The following ATRNL1 variants were observed in gnomAD, a reference collection of about 807,000 sequenced individuals.
ATRNL1 encodes attractin like 1.
In ATRNL1, 95 loss-of-function variants were observed where a neutral mutation model predicts 182.7. The ratio of observed to expected loss-of-function variants is 0.52; its 90% CI spans 0.44 to 0.62. The LOEUF (loss-of-function observed/expected upper bound fraction) is 0.62. Among genes scored for constraint, ATRNL1 ranks in the 20% least tolerant of loss-of-function variants. The probability of loss-of-function intolerance (pLI) is 0.00; values close to 1 mark genes in which losing one functional copy is unlikely to be tolerated. For synonymous variants in ATRNL1, 576 were observed against 568.3 expected (o/e 1.01, Z -0.19); for missense variants, 1,471 against 1,679.5 (o/e 0.88, Z 2.17).
chr10:115,252,184 G>A (rs1202572197), intron 10 of ATRNL1, among the ~76,000 whole-genome samples: 1 of 151,980 alleles, frequency 6.6e-6, no homozygotes, highest in Non-Finnish European at 1.5e-5. Context: ...CCGCCACCAC[G>A]CCCGGCTAAT....
In ATRNL1 at chr10:115,948,990, C is replaced by T. The variant is rs1953935227; in HGVS notation, c.*4211C>T. On this transcript the variant is annotated 3_prime_UTR_variant, in exon 29 of 29. Transcript: ENST00000355044. The stretch of plus-strand genomic sequence containing the variant: ...TAAAAACATTGGCTCTTCCAACCCC[C>T]ACTGCCAAATGCAGTTTTGTTTTGT... 1 of 152,158 alleles carries T rather than the reference C, an allele frequency of 6.6e-6. No homozygotes were observed. The highest frequency in any genetic ancestry group is 2.1e-4 in the South Asian group (1 of 4,824). 9.4% of individuals were successfully genotyped at this position (152,158 alleles called of 1,614,324 possible).
chr10:115,867,706 G>T (rs1201061199), intron 28 of ATRNL1, among the ~76,000 whole-genome samples: 1 of 145,628 alleles, frequency 6.9e-6, no homozygotes, highest in Non-Finnish European at 1.5e-5. Context: ...TCCTTTTAGT[G>T]TTTGGAATGT....
intron 26 of ATRNL1, among the ~76,000 whole-genome samples, chr10:115,711,672 C>G (rs1947066751): frequency 6.6e-6 from 1 of 152,106 alleles, no homozygotes; most frequent in Non-Finnish European, 1.5e-5. Flanking sequence ...AGTTTTGATT[C>G]TACACTGAGA....
intron 28 of ATRNL1, among the ~76,000 whole-genome samples, chr10:115,914,862 C>G (rs575665121): frequency 6.6e-6 from 1 of 152,236 alleles, no homozygotes; most frequent in East Asian, 1.9e-4. Flanking sequence ...TTTCTCTAAG[C>G]CTCCATTTCT....
chr10:115,671,464 C>A (rs1376862325), intron 26 of ATRNL1, among the ~76,000 whole-genome samples: 3 of 152,048 alleles, frequency 2.0e-5, no homozygotes, highest in Non-Finnish European at 4.4e-5. Flanking sequence ...ACATTTATTG[C>A]GCTACACATT....
At chr10:115,766,674 G>C (rs1473462824) in intron 27 of ATRNL1, among the ~76,000 whole-genome samples, 2 of 152,174 alleles carry the variant, frequency 1.3e-5, no homozygotes, top group East Asian at 3.8e-4. Context: ...GAAGGCGGGG[G>C]ATAGAGTGAA....
intron 10 of ATRNL1, among the ~76,000 whole-genome samples, chr10:115,256,007 AG>A (rs1851112267): frequency 6.6e-6 from 1 of 152,176 alleles, no homozygotes; most frequent in Admixed American, 6.5e-5. Flanking sequence ...GTGGTGGATA[AG>A]CTTTTTGATG....
chr10:115,568,492 G>A (rs546299251), intron 26 of ATRNL1, among the ~76,000 whole-genome samples: 185 of 151,914 alleles, frequency 1.2e-3, no homozygotes, highest in African/African-American at 4.3e-3. Context: ...TGATCATAAA[G>A]CATATATATT....
intron 27 of ATRNL1, among the ~76,000 whole-genome samples, chr10:115,820,643 T>C (rs974781461): frequency 6.6e-6 from 1 of 152,060 alleles, no homozygotes; most frequent in African/African-American, 2.4e-5. Context: ...TTTCTCTATT[T>C]AGTCCGTTTT....
chr10:115,296,392 G>A (rs1853193414), intron 15 of ATRNL1, among the ~76,000 whole-genome samples: 1 of 152,140 alleles, frequency 6.6e-6, no homozygotes, highest in Non-Finnish European at 1.5e-5. Context: ...TGAGCACCAG[G>A]TGTCTCTAGT....
intron 19 of ATRNL1, among the ~76,000 whole-genome samples, chr10:115,394,168 T>TA (rs1844172822): frequency 6.6e-6 from 1 of 152,078 alleles, no homozygotes; most frequent in South Asian, 2.1e-4. Flanking sequence ...TGTCTTAAAT[T>TA]ACATTACCTC....
chr10:115,470,288 T>C (rs2134568217), intron 24 of ATRNL1, among the ~76,000 whole-genome samples: 1 of 150,602 alleles, frequency 6.6e-6, no homozygotes, highest in Non-Finnish European at 1.5e-5. Flanking sequence ...TATTCAACTG[T>C]TCAGGAAATA....
chr10:115,148,527 G>A (rs914299385), intron 5 of ATRNL1, among the ~76,000 whole-genome samples: 1 of 152,096 alleles, frequency 6.6e-6, no homozygotes. Context: ...AGTTCTTAGA[G>A]AAAAAGCTTT....
intron 26 of ATRNL1, among the ~76,000 whole-genome samples, chr10:115,583,381 A>G (rs1173386494): frequency 9.1e-6 from 1 of 109,404 alleles, no homozygotes; most frequent in Non-Finnish European, 2.0e-5. Context: ...CCTACCCATG[A>G]GCATGGAATG....
At position 115,946,037 on chromosome 10, in the gene ATRNL1, T is replaced by A. The variant is rs782224338; in HGVS notation, c.*1258T>A. On this transcript the variant is annotated 3_prime_UTR_variant, in exon 29 of 29. Coordinates refer to ENST00000355044, the MANE Select transcript of ATRNL1 (RefSeq NM_207303.4). ...TTTACATCCTAATACTGACCACAGT[T>A]CACTAAAGCTCAGTAGCATTAACAG... is the stretch of plus-strand genomic sequence containing the variant. 1 of 152,236 alleles carries A rather than the reference T, an allele frequency of 6.6e-6. No homozygotes were observed. The highest frequency in any genetic ancestry group is 1.5e-5 in the Non-Finnish European group (1 of 68,050). 9.4% of individuals were successfully genotyped at this position (152,236 alleles called of 1,614,324 possible).
chr10:115,713,453 G>GTGTGTGTGTGTT (rs1555055226), intron 26 of ATRNL1, among the ~76,000 whole-genome samples: 2 of 141,374 alleles, frequency 1.4e-5, no homozygotes, highest in African/African-American at 2.6e-5. Flanking sequence ...CTGTGTGTGT[G>GTGTGTGTGTGTT]TGTGTGTGTG....
intron 26 of ATRNL1, among the ~76,000 whole-genome samples, chr10:115,595,097 C>T (rs922058807): frequency 4.6e-5 from 7 of 152,186 alleles, no homozygotes; most frequent in African/African-American, 1.7e-4. Flanking sequence ...GCTGGCACCA[C>T]AGAAGATCCA....
chr10:115,904,988 C>T (rs760699795), intron 28 of ATRNL1, among the ~76,000 whole-genome samples: 10 of 152,112 alleles, frequency 6.6e-5, no homozygotes, highest in Non-Finnish European at 1.0e-4. Flanking sequence ...TTCTATCACT[C>T]GGATGGATGT....
intron 26 of ATRNL1, among the ~76,000 whole-genome samples, chr10:115,650,556 C>G (rs1442250796): frequency 6.6e-6 from 1 of 151,926 alleles, no homozygotes; most frequent in African/African-American, 2.4e-5. Context: ...GGAACGCACA[C>G]ACACATGCAC....
Sources: gnomAD v4.1 joint callset for allele counts (sites outside exome capture counted in the v4.1 genomes callset) on GRCh38, gnomAD v4.1.1 for gene constraint, MANE v1.5 for transcripts, NCBI Gene and HGNC (gene_info 2026-07-23, HGNC 2026-07-21) for gene names.